Variants in RYR2 observed in about 807,000 individuals in gnomAD.
RYR2 encodes the protein cardiac muscle ryanodine receptor-calcium release channel.
Under a neutral mutation model 601.1 loss-of-function variants are expected in RYR2, and 227 were observed. That is an observed-to-expected ratio of 0.38 (90% confidence interval 0.34 to 0.42). The LOEUF is 0.42. RYR2 is among the 10% of genes least tolerant of loss of function. RYR2 has a pLI of 1.00. For synonymous variants in RYR2, 2,223 were observed against 2,175.1 expected, an observed-to-expected ratio of 1.02 and a Z score of -0.61; for missense variants, 4,646 against 6,156.5, an observed-to-expected ratio of 0.75 and a Z score of 8.21.
intron 3 of RYR2, among the ~76,000 whole-genome samples, chr1:237,342,756 G>A (rs1697938615): frequency 6.6e-6 from 1 of 152,144 alleles, no homozygotes; most frequent in Admixed American, 6.6e-5. Flanking sequence ...AGAAACCTTA[G>A]AACTGTCCTT....
intron 18 of RYR2, 45 bp downstream of exon 18, chr1:237,491,969 TTA>T (rs1262997563): frequency 1.2e-6 from 1 of 829,028 alleles, no homozygotes; most frequent in East Asian, 2.7e-5. Context: ...TCAAATCCTT[TTA>T]GATATATTTT....
chr1:237,284,357 G>A (rs1691231890), intron 2 of RYR2, among the ~76,000 whole-genome samples: 3 of 146,152 alleles, frequency 2.1e-5, no homozygotes, highest in Admixed American at 2.0e-4. Flanking sequence ...TCCTGCCTGG[G>A]CGACAACAGT....
At chr1:237,749,559 C>G (rs538017298) in intron 80 of RYR2, among the ~76,000 whole-genome samples, 4 of 152,236 alleles carry the variant, frequency 2.6e-5, no homozygotes, top group African/African-American at 7.2e-5. Context: ...CCTGGATTAT[C>G]AGCCAGGTGC....
chr1:237,364,234 ATGTTTATTGTTTACATAGC>A (rs1700016151), intron 4 of RYR2, 105 bp from the exon 5 acceptor site: 17 of 757,442 alleles, frequency 2.2e-5, no homozygotes. Flanking sequence ...GTTTTTTTTT[ATGTTTATTGTTTACATAGC>A]TCCATTTAGG....
At chr1:237,530,259 C>T (rs563910652) in intron 24 of RYR2, among the ~76,000 whole-genome samples, 168 bp from the exon 25 acceptor site, 1 of 150,872 alleles carries the variant, frequency 6.6e-6, no homozygotes, top group East Asian at 2.0e-4. Context: ...TGCAGTGAGC[C>T]GAGATCGCGC....
chr1:237,095,453 G>A (rs181767464), intron 1 of RYR2, among the ~76,000 whole-genome samples: 4 of 152,320 alleles, frequency 2.6e-5, no homozygotes, highest in Non-Finnish European at 4.4e-5. Flanking sequence ...CACTGGGATC[G>A]TGTCTGAAAG....
At chr1:237,731,560 T>A (rs1690680482) in intron 77 of RYR2, among the ~76,000 whole-genome samples, 1 of 152,110 alleles carries the variant, frequency 6.6e-6, no homozygotes, top group South Asian at 2.1e-4. Context: ...TTGCAAATAT[T>A]TGTAAATCGA....
intron 58 of RYR2, 93 bp downstream of exon 58, chr1:237,668,051 T>C (rs1434709595): frequency 8.3e-6 from 8 of 968,220 alleles, no homozygotes; most frequent in African/African-American, 3.3e-5. Flanking sequence ...CAGCTTATTA[T>C]AACTTTTTAA....
At chr1:237,314,120 AGTGGC>A (rs1558607040) in intron 2 of RYR2, among the ~76,000 whole-genome samples, 1 of 129,924 alleles carries the variant, frequency 7.7e-6, no homozygotes, top group African/African-American at 2.9e-5. Flanking sequence ...GCTGGAGTGC[AGTGGC>A]ACAATCTCAG....
chr1:237,778,516 CCTT>C (rs1483681258), intron 87 of RYR2, 147 bp from the exon 88 acceptor site: 13 of 457,988 alleles, frequency 2.8e-5, no homozygotes, highest in South Asian at 2.8e-4. Context: ...CACTGTATCT[CCTT>C]CTTTCACTTT....
Position 237,150,130 on chromosome 1 carries a change from TC to T in RYR2, c.48+107563del, listed in dbSNP as rs534144333. Among the ~76,000 whole-genome samples the T allele has an allele frequency of 2.4e-3, 362 of 152,366 alleles. 2 individuals are homozygous for T. Among genetic ancestry groups the T allele is most frequent in the African/African-American group, 8.5e-3 (353 of 41,576 alleles). ...AAGTTCTCTCATTATTTTCCTTTGTTCCTTTCCTTTCCTAGGGTTTGGAAAT... is the reference window on the plus strand; with the variant it reads ...AAGTTCTCTCATTATTTTCCTTTGTTCTTTCCTTTCCTAGGGTTTGGAAAT... On this transcript the variant is annotated intron_variant, in intron 1 of 104. Coordinates refer to ENST00000366574, the MANE Select transcript of RYR2 (RefSeq NM_001035.3).
chr1:237,333,897 A>G (rs891253633), intron 3 of RYR2, among the ~76,000 whole-genome samples: 2 of 152,206 alleles, frequency 1.3e-5, no homozygotes, highest in Non-Finnish European at 2.9e-5. Context: ...TTTCAGATGA[A>G]CAGTGAGTCA....
intron 95 of RYR2, among the ~76,000 whole-genome samples, chr1:237,794,345 A>G (rs2149389550): frequency 6.6e-6 from 1 of 152,190 alleles, no homozygotes; most frequent in East Asian, 1.9e-4. Context: ...AAAATTATTC[A>G]TTAACGAAAA....
intron 2 of RYR2, among the ~76,000 whole-genome samples, chr1:237,322,821 C>CGTGT (rs113420477): frequency 0.093 from 13,368 of 143,034 alleles, 1,365 homozygotes; most frequent in African/African-American, 0.25. Context: ...AACACACACA[C>CGTGT]GTGTGTGTGT....
rs1669196106 is a variant in RYR2, at chr1:237,540,929, A to ATG, written c.2907-7500_2907-7499dup. 2.0e-5 allele frequency among the ~76,000 whole-genome samples: 3 copies of ATG among 151,424 alleles called. No homozygotes were observed. The East Asian group carries it at 5.8e-4, about 29-fold the overall frequency. On this transcript the variant is annotated intron_variant, in intron 25 of 104. Transcript: ENST00000366574. ...TGTGTGTGTATATATATATATATAT[A>ATG]TGTATGCACACACACACACACATTT...
At chr1:237,592,241 A>T (rs550105463) in intron 32 of RYR2, among the ~76,000 whole-genome samples, 26 of 152,192 alleles carry the variant, frequency 1.7e-4, no homozygotes, top group Non-Finnish European at 2.5e-4. Context: ...TCTCAAAGCT[A>T]CTTCTCCTAA....
intron 1 of RYR2, among the ~76,000 whole-genome samples, chr1:237,230,019 C>G: frequency 6.6e-6 from 1 of 152,216 alleles, no homozygotes; most frequent in African/African-American, 2.4e-5. Flanking sequence ...ACAATGCAAT[C>G]TAGATTATTT....
chr1:237,602,134 T>C (rs375714131), intron 35 of RYR2, 23 bp downstream of exon 35: 142 of 1,552,390 alleles, frequency 9.1e-5, no homozygotes, highest in Admixed American at 5.5e-4. Context: ...ATTCCTGGTA[T>C]TGTATTTGTA....
chr1:237,655,436 T>C (rs957855420), intron 52 of RYR2, among the ~76,000 whole-genome samples: 41 of 152,200 alleles, frequency 2.7e-4, no homozygotes, highest in African/African-American at 8.9e-4. Flanking sequence ...GCTTTATGTT[T>C]TTTTATATGT....
Sources: allele counts gnomAD v4.1 joint callset (sites outside exome capture counted in the v4.1 genomes callset), GRCh38; gene constraint gnomAD v4.1.1; transcripts MANE v1.5; gene names NCBI Gene and HGNC (gene_info 2026-07-23, HGNC 2026-07-21).